Variants in ADH6 observed in about 807,000 individuals in gnomAD.
The protein encoded by ADH6 is alcohol dehydrogenase 6.
Under a neutral mutation model 36.5 loss-of-function variants are expected in ADH6, and 34 were observed. The ratio of observed to expected loss-of-function variants is 0.93; its 90% CI spans 0.71 to 1.24. The LOEUF is 1.24. Among genes scored for constraint, ADH6 ranks in the 50% most tolerant of loss-of-function variants. The pLI, the probability that ADH6 is intolerant of heterozygous loss-of-function variation, is 0.00. For missense variants in ADH6, 440 were observed against 447.0 expected (o/e 0.98, Z 0.14); for synonymous variants, 161 against 155.5 (o/e 1.04, Z -0.26).
chr4:99,205,693 A>T (rs1282230531), intron 7 of ADH6, among the ~76,000 whole-genome samples: 13 of 152,160 alleles, frequency 8.5e-5, no homozygotes, highest in Admixed American at 8.5e-4. Flanking sequence ...TTCAAGAAAC[A>T]CATTAAATTT....
At chr4:99,207,405 A>G in intron 7 of ADH6, 41 bp downstream of exon 7, 2 of 1,608,948 alleles carry the variant, frequency 1.2e-6, no homozygotes, top group Non-Finnish European at 1.7e-6. Context: ...TCCCACCTTC[A>G]CCTCCTCAGG....
At chr4:99,212,656 G>GT (rs1367701809) in intron 3 of ADH6, among the ~76,000 whole-genome samples, 2 of 151,584 alleles carry the variant, frequency 1.3e-5, no homozygotes, top group Non-Finnish European at 2.9e-5. Context: ...CTTTTAAAAT[G>GT]TTTTTTATTT....
At chr4:99,218,174 T>C (rs1295950374) in intron 1 of ADH6, among the ~76,000 whole-genome samples, 1 of 152,136 alleles carries the variant, frequency 6.6e-6, no homozygotes, top group African/African-American at 2.4e-5. Flanking sequence ...CATGAACATA[T>C]CATTATTTCT....
chr4:99,213,768 A>G (rs1349149742), intron 2 of ADH6, 21 bp from the exon 3 acceptor site: 1 of 1,566,432 alleles, frequency 6.4e-7, no homozygotes, highest in Non-Finnish European at 8.6e-7. Context: ...GGCAAAGGGT[A>G]CTGCAGTTCC....
At chr4:99,204,623 A>G in intron 8 of ADH6, 2 of 1,174,404 alleles carry the variant, frequency 1.7e-6, no homozygotes, top group Non-Finnish European at 2.1e-6. Flanking sequence ...TTGAGCTACA[A>G]TTTTATAAGC....
In ADH6 at chr4:99,210,126, A is replaced by G. The variant is rs756563820; in HGVS notation, c.523T>C (p.Cys175Arg). 76 of 1,613,802 alleles carry G rather than the reference A, an allele frequency of 4.7e-5. No individual in the cohort carries two copies. The East Asian group carries it at 1.6e-3, about 34-fold the overall frequency. ...GCACCAAACCCAGTGGAAAAGCCAC[A>G]GCTAATTAGGCATACTTTCTCTAGA... Reference protein sequence around the residue: ...APLEKVCLISCGFSTGFGAAI... With the variant: ...APLEKVCLISRGFSTGFGAAI... Residue 175 changes from cysteine (C) to arginine (R), a missense_variant, in exon 5 of 9, where the codon TGT becomes CGT. Cys to Arg is a radical substitution (Grantham distance 180). Coordinates refer to ENST00000394899, the MANE Select transcript of ADH6 (RefSeq NM_001102470.2).
chr4:99,210,523 CT>C (rs768987826), intron 3 of ADH6, 21 bp from the exon 4 acceptor site: 3 of 1,539,524 alleles, frequency 1.9e-6, no homozygotes, highest in East Asian at 4.5e-5. Context: ...AAAATCATGT[CT>C]TATTAACATA....
chr4:99,217,752 A>C (rs1269904325), intron 1 of ADH6, among the ~76,000 whole-genome samples: 1 of 152,186 alleles, frequency 6.6e-6, no homozygotes. Context: ...TGCAGGTGTC[A>C]TACTTTTTAT....
intron 2 of ADH6, among the ~76,000 whole-genome samples, chr4:99,215,611 T>C (rs1731380722): frequency 6.6e-6 from 1 of 152,168 alleles, no homozygotes; most frequent in Admixed American, 6.5e-5. Flanking sequence ...CCTCCCAGAG[T>C]GCTGGGATTA....
intron 7 of ADH6, among the ~76,000 whole-genome samples, chr4:99,205,792 G>T (rs897997573): frequency 6.6e-6 from 1 of 152,146 alleles, no homozygotes; most frequent in Non-Finnish European, 1.5e-5. Flanking sequence ...TGGTGTAATT[G>T]TGCAAAGTAT....
chr4:99,213,455 C>A (rs1731295926), intron 3 of ADH6, 151 bp downstream of exon 3: 2 of 635,074 alleles, frequency 3.1e-6, no homozygotes, highest in Non-Finnish European at 4.9e-6. Flanking sequence ...TTTTATGTAA[C>A]TTACAAGTAA....
At position 99,208,793 on chromosome 4, in the gene ADH6, C is replaced by T. The variant is rs540466192; in HGVS notation, c.703G>A (p.Glu235Lys). The T allele has an allele frequency of 6.8e-6, 11 of 1,613,798 alleles. No individual in the cohort carries two copies. In the South Asian group the frequency reaches 1.1e-4, roughly 16 times the overall value. Residue 235 changes from glutamate (E) to lysine (K), a missense_variant, in exon 6 of 9, where the codon GAA (glutamate) becomes AAA (lysine). Physicochemically the swap from Glu to Lys is moderately conservative, Grantham distance 56 (BLOSUM62 1). Coordinates refer to ENST00000394899, the MANE Select transcript of ADH6 (RefSeq NM_001102470.2). Reference protein sequence around the residue: ...VNKEKFKKAQELGATECLNPQ... With the variant: ...VNKEKFKKAQKLGATECLNPQ... ...TTGAGGCACTCAGTAGCACCCAATT[C>T]CTGTGCCTTCTTAAATTTCTCCTTG...
intron 8 of ADH6, 120 bp downstream of exon 8, chr4:99,204,805 C>T (rs1730960152): frequency 4.4e-6 from 6 of 1,359,658 alleles, no homozygotes; most frequent in Non-Finnish European, 5.7e-6. Flanking sequence ...TCCTGAAAGC[C>T]TCTTCAATTA....
Position 99,204,140 on chromosome 4 carries a change from C to A in ADH6, c.*79G>T. 2 of 1,501,906 alleles carry A rather than the reference C, an allele frequency of 1.3e-6. No homozygotes were observed. The highest frequency in any genetic ancestry group is 4.6e-5 in the East Asian group (2 of 43,144). The allele number at this position is 1,501,906 out of a possible 1,614,324, so 93.0% of individuals were successfully genotyped here. A position where few individuals can be genotyped will look rare whatever the true frequency, so the allele number is the denominator to read the frequency against. ...TAGAAATGGGATTGGGTGAATAATT[C>A]TTCTAAATCATGAAAATTACATCAA... is the stretch of plus-strand genomic sequence containing the variant. On this transcript the variant is annotated 3_prime_UTR_variant, in exon 9 of 9. Coordinates refer to ENST00000394899, the MANE Select transcript of ADH6 (RefSeq NM_001102470.2).
intron 1 of ADH6, among the ~76,000 whole-genome samples, chr4:99,218,348 A>G (rs1179143368): frequency 6.6e-6 from 1 of 152,204 alleles, no homozygotes; most frequent in African/African-American, 2.4e-5. Context: ...TTCACAGTCT[A>G]AATTTTTCTA....
At position 99,202,663 on chromosome 4, in the gene ADH6, G is replaced by A. The variant is rs997343680; in HGVS notation, c.*1556C>T. ...GTGGCTTAAGGAACCGAGCTTTATTGGAGCAAAGAGTGTGGACACTGTTTA... is the reference window on the plus strand; with the variant it reads ...GTGGCTTAAGGAACCGAGCTTTATTAGAGCAAAGAGTGTGGACACTGTTTA... On this transcript the variant is annotated 3_prime_UTR_variant, in exon 9 of 9. Coordinates refer to ENST00000394899, the MANE Select transcript of ADH6 (RefSeq NM_001102470.2). 12 of 397,518 alleles carry A rather than the reference G, an allele frequency of 3.0e-5. No individual in the cohort carries two copies. The highest frequency in any genetic ancestry group is 2.3e-4 in the African/African-American group (11 of 48,538). 24.6% of individuals were successfully genotyped at this position (397,518 alleles called of 1,614,324 possible).
chr4:99,213,134 T>C (rs1245957037), intron 3 of ADH6, among the ~76,000 whole-genome samples: 1 of 152,184 alleles, frequency 6.6e-6, no homozygotes, highest in Non-Finnish European at 1.5e-5. Flanking sequence ...GATAACTATC[T>C]AGTTGTTTCA....
In ADH6 at chr4:99,208,787, C is replaced by A. The variant is rs746060539; in HGVS notation, c.709G>T (p.Gly237Cys). The change falls in exon 6 of 9, where the codon GGT becomes TGT. Residue 237 changes from glycine (G) to cysteine (C), a missense_variant. Coordinates refer to ENST00000394899, the MANE Select transcript of ADH6 (RefSeq NM_001102470.2). ...TGAGGGTTGAGGCACTCAGTAGCACCCAATTCCTGTGCCTTCTTAAATTTC... is the reference window on the plus strand; with the variant it reads ...TGAGGGTTGAGGCACTCAGTAGCACACAATTCCTGTGCCTTCTTAAATTTC... ...KEKFKKAQEL[G>C]ATECLNPQDL... is the part of the protein sequence containing the mutation. 6.2e-7 allele frequency: 1 copy of A among 1,613,782 alleles called. No homozygotes were observed. Among genetic ancestry groups the A allele is most frequent in the Non-Finnish European group, 8.5e-7 (1 of 1,179,808 alleles).
In ADH6 at chr4:99,204,422, T is replaced by C. The variant is rs1310235357; in HGVS notation, c.1104-179A>G. 31 of 1,405,166 alleles carry C rather than the reference T, an allele frequency of 2.2e-5. 1 individual carries two copies. The East Asian group carries it at 5.6e-4, about 25-fold the overall frequency. The allele number at this position is 1,405,166 out of a possible 1,614,324, so 87.0% of individuals were successfully genotyped here. ...TTAAAATGACATGAAACTCCAAGGG[T>C]AAAAAGTAGGTAAGCAAGCTTATAC... On this transcript the variant is annotated intron_variant, in intron 8 of 8. Transcript: ENST00000394899.
Sources: gnomAD v4.1 joint callset for allele counts (sites outside exome capture counted in the v4.1 genomes callset) on GRCh38, gnomAD v4.1.1 for gene constraint, MANE v1.5 for transcripts, NCBI Gene and HGNC (gene_info 2026-07-23, HGNC 2026-07-21) for gene names.